Variants in MAGI3 observed in about 807,000 individuals in gnomAD.
MAGI3 encodes membrane associated guanylate kinase, WW and PDZ domain containing 3, also known as membrane-associated guanylate kinase, WW and PDZ domain-containing protein 3.
A neutral mutation model predicts 121.8 loss-of-function variants in MAGI3; 43 were observed. The ratio of observed to expected loss-of-function variants is 0.35; its 90% confidence interval spans 0.28 to 0.46. The LOEUF (loss-of-function observed/expected upper bound fraction) is 0.46. Among genes scored for constraint, MAGI3 ranks in the 20% least tolerant of loss-of-function variants. The pLI is 1.00. For missense variants in MAGI3, 1,547 were observed against 1,797.3 expected (o/e 0.86, Z 2.52); for synonymous variants, 553 against 639.3 (o/e 0.86, Z 2.04).
rs979886760 is a variant in MAGI3, at chr1:113,658,940, G to A, written c.2630-140G>A. On this transcript the variant is annotated intron_variant, in intron 15 of 20. Coordinates refer to ENST00000307546, the MANE Select transcript of MAGI3 (RefSeq NM_001142782.2). The surrounding 1 kb of genome is among the most constrained non-coding windows in gnomAD (Gnocchi z 4.0). ...GAAAATAGTTCCGTTTGGATGCGATGATGACGTGTGGTACTTTTCTGTTAT... is the reference window on the plus strand; with the variant it reads ...GAAAATAGTTCCGTTTGGATGCGATAATGACGTGTGGTACTTTTCTGTTAT... 1.1e-5 allele frequency: 8 copies of A among 714,982 alleles called. No individual in the cohort carries two copies. The highest frequency in any genetic ancestry group is 2.6e-5 in the Admixed American group (1 of 38,390). The allele number at this position is 714,982 out of a possible 1,614,324, so 44.3% of individuals were successfully genotyped here.
intron 1 of MAGI3, among the ~76,000 whole-genome samples, chr1:113,479,254 C>T (rs1391109450): frequency 1.3e-5 from 2 of 152,202 alleles, no homozygotes; most frequent in East Asian, 3.8e-4. Flanking sequence ...ATGGGCTGCA[C>T]CCATTGTTCC....
At chr1:113,624,213 G>T (rs2798135) in intron 9 of MAGI3, among the ~76,000 whole-genome samples, 110,738 of 152,064 alleles carry the variant, frequency 0.73, 40,844 homozygotes, top group African/African-American at 0.77. Flanking sequence ...TTTCTTGTGG[G>T]TATATACTCA....
At chr1:113,584,932 G>A (rs1430485130) in intron 3 of MAGI3, among the ~76,000 whole-genome samples, 3 of 149,312 alleles carry the variant, frequency 2.0e-5, no homozygotes, top group South Asian at 2.1e-4. Flanking sequence ...TGCTTTGAGC[G>A]CTTTGGCCTC....
At chr1:113,648,505 A>G (rs1652976742) in intron 12 of MAGI3, among the ~76,000 whole-genome samples, 1 of 150,904 alleles carries the variant, frequency 6.6e-6, no homozygotes, top group Non-Finnish European at 1.5e-5. Context: ...TCTGCCTCCC[A>G]GGTTCAAGCA....
chr1:113,631,312 G>C (rs1336549260), intron 9 of MAGI3, among the ~76,000 whole-genome samples: 1 of 152,068 alleles, frequency 6.6e-6, no homozygotes, highest in African/African-American at 2.4e-5. Context: ...CTCTTGTAAC[G>C]GTACTTTTAG....
At chr1:113,532,601 T>C (rs1213203593) in intron 1 of MAGI3, among the ~76,000 whole-genome samples, 1 of 152,174 alleles carries the variant, frequency 6.6e-6, no homozygotes, top group African/African-American at 2.4e-5. Flanking sequence ...GAATAATTTC[T>C]CCTCAGTGGC....
At chr1:113,416,899 T>C (rs998027376) in intron 1 of MAGI3, among the ~76,000 whole-genome samples, 1 of 151,996 alleles carries the variant, frequency 6.6e-6, no homozygotes, top group Admixed American at 6.6e-5. Context: ...GGAGAGTGGT[T>C]ATAAATAAAG....
At position 113,685,051 on chromosome 1, in the gene MAGI3, G is replaced by GTGTT. The variant is rs1648464409; in HGVS notation, c.*1039_*1042dup. On this transcript the variant is annotated 3_prime_UTR_variant, in exon 21 of 21. Coordinates refer to ENST00000307546, the MANE Select transcript of MAGI3 (RefSeq NM_001142782.2). The stretch of plus-strand genomic sequence containing the variant: ...TCTGGTAGCAGGTGCACAAGCTTGG[G>GTGTT]TGTTTAAAAACAACCTGTGTAGGGT... 1 of 152,354 alleles carries GTGTT rather than the reference G, an allele frequency of 6.6e-6. No individual in the cohort carries two copies. Among genetic ancestry groups the GTGTT allele is most frequent in the Non-Finnish European group, 1.5e-5 (1 of 68,036 alleles). The allele number at this position is 152,354 out of a possible 1,614,324, so 9.4% of individuals were successfully genotyped here. A position where few individuals can be genotyped will look rare whatever the true frequency, so the allele number is the denominator to read the frequency against.
intron 12 of MAGI3, among the ~76,000 whole-genome samples, chr1:113,647,296 C>T (rs1409398488): frequency 6.6e-6 from 1 of 152,118 alleles, no homozygotes; most frequent in African/African-American, 2.4e-5. Flanking sequence ...GATGCCCTTC[C>T]AAGGGAGCTG....
Position 113,672,629 on chromosome 1 carries a change from G to T in MAGI3, c.2933G>T (p.Gly978Val), listed in dbSNP as rs1647627121. The change falls in exon 18 of 21, where the codon GGT becomes GTT. Residue 978 changes from glycine to valine, a missense_variant. Gly to Val is a moderately radical substitution (Grantham distance 109). Transcript: ENST00000307546. ...HIPGDRSALE[G>V]EIGKDVSTSY... ...CTCTCTTGTAGAAGTGCCCTAGAAG[G>T]TGAAATTGGAAAAGATGTCTCCACT... 2 of 1,613,690 alleles carry T rather than the reference G, an allele frequency of 1.2e-6. No homozygotes were observed. Among genetic ancestry groups the T allele is most frequent in the Non-Finnish European group, 1.7e-6 (2 of 1,179,810 alleles).
At chr1:113,505,548 A>AAATAAATG (rs1553193298) in intron 1 of MAGI3, among the ~76,000 whole-genome samples, 4 of 148,460 alleles carry the variant, frequency 2.7e-5, no homozygotes, top group African/African-American at 1.0e-4. Flanking sequence ...ATAAATAAAT[A>AAATAAATG]AATAAATATA....
Position 113,622,935 on chromosome 1 carries a change from T to G in MAGI3, c.1301T>G (p.Leu434Arg). ...GGTGGAGATAGACCTGATGAGTTCC[T>G]ACAAGTGAAAAATGTGCTGAAAGAT... ...IIGGDRPDEF[L>R]QVKNVLKDGP... The change falls in exon 9 of 21, where the codon CTA becomes CGA. Residue 434 changes from leucine (L) to arginine (R), a missense_variant. Transcript: ENST00000307546. The G allele has an allele frequency of 6.3e-7, 1 of 1,578,912 alleles. No homozygotes were observed. The highest frequency in any genetic ancestry group is 8.6e-7 in the Non-Finnish European group (1 of 1,168,904).
At chr1:113,538,866 C>T (rs1659128022) in intron 1 of MAGI3, among the ~76,000 whole-genome samples, 1 of 152,140 alleles carries the variant, frequency 6.6e-6, no homozygotes, top group Non-Finnish European at 1.5e-5. Context: ...TTGAAGACAG[C>T]TGACCAAAGA....
intron 12 of MAGI3, among the ~76,000 whole-genome samples, chr1:113,647,719 A>ACATCTTG (rs1430125148): frequency 1.3e-5 from 2 of 152,236 alleles, no homozygotes; most frequent in Non-Finnish European, 2.9e-5. Context: ...TTGCAGAAGT[A>ACATCTTG]CATCTTGATA....
intron 9 of MAGI3, among the ~76,000 whole-genome samples, chr1:113,636,302 T>C (rs1167582599): frequency 6.6e-6 from 1 of 152,224 alleles, no homozygotes; most frequent in Non-Finnish European, 1.5e-5. Flanking sequence ...CTTTTCTAGT[T>C]CTTTTAATTG....
chr1:113,391,429 C>T lies in MAGI3; in HGVS notation c.316+80C>T. Reference sequence around the variant, plus strand: ...GGGCGTCCTGGGAGCGGCGGCACCTCCCCACCGCGTATTGTCCCGGGTAAT... The same window carrying T: ...GGGCGTCCTGGGAGCGGCGGCACCTTCCCACCGCGTATTGTCCCGGGTAAT... On this transcript the variant is annotated intron_variant, in intron 1 of 20. Transcript: ENST00000307546. The surrounding 1 kb of genome is among the most constrained non-coding windows in gnomAD (Gnocchi z 4.4). 2 of 1,425,444 alleles carry T rather than the reference C, an allele frequency of 1.4e-6. No homozygotes were observed. Among genetic ancestry groups the T allele is most frequent in the Non-Finnish European group, 1.9e-6 (2 of 1,039,176 alleles). The allele number at this position is 1,425,444 out of a possible 1,614,324, so 88.3% of individuals were successfully genotyped here.
chr1:113,677,003 TG>T lies in MAGI3; in HGVS notation c.3189+3542del, dbSNP rs537555105. Among the ~76,000 whole-genome samples the T allele has an allele frequency of 1.1e-3, 168 of 152,282 alleles. 10 individuals carry two copies. In the South Asian group the frequency reaches 0.034, roughly 31 times the overall value. ...GGACTTATTACTGGGTGAACAGGAC[TG>T]GGGATATATGAAGTAATTAGCAACA... is the stretch of plus-strand genomic sequence containing the variant. On this transcript the variant is annotated intron_variant, in intron 19 of 20. Transcript: ENST00000307546.
chr1:113,684,209 C>T lies in MAGI3; in HGVS notation c.*195C>T. 1 of 527,336 alleles carries T rather than the reference C, an allele frequency of 1.9e-6. No individual in the cohort carries two copies. Among genetic ancestry groups the T allele is most frequent in the Non-Finnish European group, 3.1e-6 (1 of 324,682 alleles). The allele number at this position is 527,336 out of a possible 1,614,324, so 32.7% of individuals were successfully genotyped here. ...AACTGTCCCCCTGGCCGGCTGCCCTCCCTCGCTCTCAGGAAGGAGCTGCAT... is the reference window on the plus strand; with the variant it reads ...AACTGTCCCCCTGGCCGGCTGCCCTTCCTCGCTCTCAGGAAGGAGCTGCAT... On this transcript the variant is annotated 3_prime_UTR_variant, in exon 21 of 21. Coordinates refer to ENST00000307546, the MANE Select transcript of MAGI3 (RefSeq NM_001142782.2).
intron 1 of MAGI3, among the ~76,000 whole-genome samples, chr1:113,489,876 A>T (rs763052132): frequency 6.6e-6 from 1 of 152,140 alleles, no homozygotes; most frequent in African/African-American, 2.4e-5. Context: ...ACCTCCAAGA[A>T]ATATGGAATT....
Sources: gnomAD v4.1 joint callset for allele counts (sites outside exome capture counted in the v4.1 genomes callset) on GRCh38, gnomAD v4.1.1 for gene constraint, Gnocchi (gnomAD v3.1) non-coding constraint, MANE v1.5 for transcripts, NCBI Gene and HGNC (gene_info 2026-07-23, HGNC 2026-07-21) for gene names.